Variants in CLVS1 observed in about 807,000 individuals in gnomAD.
CLVS1 encodes the protein clavesin 1, also known as clavesin-1.
CLVS1 carries 10 observed loss-of-function variants against 33.1 expected under a neutral mutation model. The ratio of observed to expected loss-of-function variants is 0.30; its 90% CI spans 0.19 to 0.51. CLVS1 has a LOEUF of 0.51. CLVS1 is among the 20% of genes least tolerant of loss of function. The probability of loss-of-function intolerance (pLI) is 0.97; values close to 1 mark genes in which losing one functional copy is unlikely to be tolerated. For missense variants in CLVS1, 343 were observed against 433.4 expected, an observed-to-expected ratio of 0.79 and a Z score of 1.85; for synonymous variants, 163 against 166.1, an observed-to-expected ratio of 0.98 and a Z score of 0.14.
chr8:61,343,102 A>G (rs1812082646), intron 2 of CLVS1, among the ~76,000 whole-genome samples: 1 of 152,202 alleles, frequency 6.6e-6, no homozygotes, highest in South Asian at 2.1e-4. Flanking sequence ...TATGACTTCA[A>G]AGTAACTTTG....
chr8:60,990,125 CAAAAAAAAAAAAAAAA>C, the CLVS1 span, among the ~76,000 whole-genome samples: 284 of 38,328 alleles, frequency 7.4e-3, 3 homozygotes, highest in African/African-American at 0.023. Flanking sequence ...ACTCCATCTC[CAAAAAAAAAAAAAAAA>C]AAAAAAAAAA....
At chr8:61,201,759 TAAC>T (rs1807737529) in intron 2 of CLVS1, among the ~76,000 whole-genome samples, 1 of 152,208 alleles carries the variant, frequency 6.6e-6, no homozygotes, top group South Asian at 2.1e-4. Context: ...CCTCTTCCTC[TAAC>T]AAGTGTCTGT....
rs1298989846 is a variant in CLVS1, at chr8:61,501,261, T to C, written c.*1719T>C. On this transcript the variant is annotated 3_prime_UTR_variant, in exon 6 of 6. Transcript: ENST00000325897. The stretch of plus-strand genomic sequence containing the variant: ...GAAAATCCATTTTATTGCTTGGGTT[T>C]AAAATAGTTGTGGGATACAAGTATT... The C allele has an allele frequency of 6.6e-6, 1 of 152,178 alleles. No homozygotes were observed. Among genetic ancestry groups the C allele is most frequent in the African/African-American group, 2.4e-5 (1 of 41,460 alleles). The allele number at this position is 152,178 out of a possible 1,614,324, so 9.4% of individuals were successfully genotyped here. A position where few individuals can be genotyped will look rare whatever the true frequency, so the allele number is the denominator to read the frequency against.
At chr8:61,295,000 T>G (rs910954114) in intron 1 of CLVS1, among the ~76,000 whole-genome samples, 2 of 152,198 alleles carry the variant, frequency 1.3e-5, no homozygotes, top group South Asian at 4.1e-4. Flanking sequence ...TAACATTATT[T>G]TAAATATCAT....
intron 2 of CLVS1, among the ~76,000 whole-genome samples, chr8:61,231,393 A>G (rs1043171471): frequency 2.6e-5 from 4 of 152,176 alleles, no homozygotes; most frequent in African/African-American, 9.7e-5. Context: ...GAGTTGTAAT[A>G]GAATTTCAGT....
chr8:61,302,018 A>G (rs1728000390), intron 2 of CLVS1, among the ~76,000 whole-genome samples: 1 of 152,182 alleles, frequency 6.6e-6, no homozygotes, highest in African/African-American at 2.4e-5. Flanking sequence ...CTAAAAATAT[A>G]TCAACCCCCA....
chr8:61,024,843 CT>C, the CLVS1 span, among the ~76,000 whole-genome samples: 98 of 151,434 alleles, frequency 6.5e-4, no homozygotes, highest in Middle Eastern at 0.01. Flanking sequence ...TTTTTCTTTT[CT>C]TTTTTTTCTT....
At chr8:61,254,194 C>T (rs1809019784) in intron 2 of CLVS1, among the ~76,000 whole-genome samples, 1 of 152,172 alleles carries the variant, frequency 6.6e-6, no homozygotes. Context: ...ACTCCAGACC[C>T]TGTTTGCCTG....
intron 2 of CLVS1, among the ~76,000 whole-genome samples, chr8:61,134,326 T>C (rs1462014831): frequency 5.9e-5 from 9 of 152,244 alleles, no homozygotes; most frequent in African/African-American, 2.2e-4. Flanking sequence ...CTGGCCTTGC[T>C]GAGTGTGGCT....
At chr8:61,384,146 C>T (rs748424998) in intron 3 of CLVS1, among the ~76,000 whole-genome samples, 1 of 152,130 alleles carries the variant, frequency 6.6e-6, no homozygotes, top group Non-Finnish European at 1.5e-5. Context: ...AGAATACAGA[C>T]AAAGACAGAG....
At chr8:61,077,256 T>C (rs1460487040) in intron 1 of CLVS1, among the ~76,000 whole-genome samples, 1 of 151,586 alleles carries the variant, frequency 6.6e-6, no homozygotes, top group Admixed American at 6.6e-5. Flanking sequence ...GTATTTTTAG[T>C]AGAGACGGGT....
intron 5 of CLVS1, among the ~76,000 whole-genome samples, chr8:61,485,034 G>A (rs1287234356): frequency 2.0e-5 from 3 of 152,190 alleles, no homozygotes; most frequent in East Asian, 1.9e-4. Context: ...ATAGGCATGG[G>A]CAAGGACTTC....
At chr8:61,117,060 G>A (rs1585621723) in intron 1 of CLVS1, among the ~76,000 whole-genome samples, 2 of 119,918 alleles carry the variant, frequency 1.7e-5, no homozygotes. Flanking sequence ...GCAGTGGTTT[G>A]TAGTTCTCCT....
chr8:61,419,095 C>T (rs1223767678), intron 3 of CLVS1, among the ~76,000 whole-genome samples: 1 of 152,036 alleles, frequency 6.6e-6, no homozygotes, highest in Non-Finnish European at 1.5e-5. Flanking sequence ...ACAAACAAGG[C>T]CACAAATAAA....
intron 2 of CLVS1, among the ~76,000 whole-genome samples, chr8:61,184,058 A>G (rs1419314184): frequency 6.6e-6 from 1 of 152,204 alleles, no homozygotes; most frequent in African/African-American, 2.4e-5. Context: ...AATAAGGAGC[A>G]CTGACAACCC....
chr8:61,077,198 C>A (rs1004342547), intron 1 of CLVS1, among the ~76,000 whole-genome samples: 2 of 151,708 alleles, frequency 1.3e-5, no homozygotes, highest in Non-Finnish European at 2.9e-5. Context: ...CTCAGCCTCC[C>A]GAGTAGCTGG....
At chr8:61,108,700 T>C (rs940186188) in intron 1 of CLVS1, among the ~76,000 whole-genome samples, 1 of 152,246 alleles carries the variant, frequency 6.6e-6, no homozygotes, top group African/African-American at 2.4e-5. Context: ...TTTCTTCCAG[T>C]TACAAACTTC....
At chr8:61,140,546 A>AT (rs1806289261) in intron 2 of CLVS1, among the ~76,000 whole-genome samples, 1 of 151,874 alleles carries the variant, frequency 6.6e-6, no homozygotes, top group Non-Finnish European at 1.5e-5. Flanking sequence ...TTTTTTTATT[A>AT]TTTTATTTTA....
the CLVS1 span, among the ~76,000 whole-genome samples, chr8:60,990,840 C>T: frequency 6.6e-6 from 1 of 151,890 alleles, no homozygotes; most frequent in African/African-American, 2.4e-5. Context: ...TCCCGAATAG[C>T]TGGGATTACA....
Sources: gnomAD v4.1 joint callset for allele counts (sites outside exome capture counted in the v4.1 genomes callset) on GRCh38, gnomAD v4.1.1 for gene constraint, MANE v1.5 for transcripts, NCBI Gene and HGNC (gene_info 2026-07-23, HGNC 2026-07-21) for gene names.